SCHIP1: variants seen among roughly 807,000 people sequenced by gnomAD.
SCHIP1 encodes the protein schwannomin interacting protein 1, also known as schwannomin-interacting protein 1.
In SCHIP1, 8 loss-of-function variants were observed where a neutral mutation model predicts 29.7. The observed-to-expected ratio is 0.27, with a 90% CI of 0.16 to 0.49. SCHIP1 has a LOEUF of 0.49. SCHIP1 is among the 20% of genes least tolerant of loss of function. SCHIP1 has a pLI of 0.99. For synonymous variants in SCHIP1, 76 were observed against 94.9 expected (o/e 0.80, Z 1.16); for missense variants, 193 against 294.6 (o/e 0.66, Z 2.52).
chr3:159,816,873 C>CTCAGTTAAT, the SCHIP1 span, among the ~76,000 whole-genome samples: 8 of 152,168 alleles, frequency 5.3e-5, no homozygotes, highest in African/African-American at 1.2e-4. Context: ...CTCTTTCTTG[C>CTCAGTTAAT]TCAGTTAATT....
chr3:159,360,152 G>A, the SCHIP1 span, among the ~76,000 whole-genome samples: 236 of 152,280 alleles, frequency 1.5e-3, no homozygotes, highest in Non-Finnish European at 2.6e-3. Flanking sequence ...ACATCATAAG[G>A]AGCCCAGGGA....
chr3:159,731,460 G>C, the SCHIP1 span, among the ~76,000 whole-genome samples: 3 of 152,196 alleles, frequency 2.0e-5, no homozygotes, highest in Non-Finnish European at 4.4e-5. Context: ...AGGAGTAGAC[G>C]AGGCCGGTAG....
the SCHIP1 span, among the ~76,000 whole-genome samples, chr3:159,582,779 T>TACACAC: frequency 8.2e-4 from 81 of 98,430 alleles, no homozygotes; most frequent in African/African-American, 2.4e-3. Context: ...GCAACTGAAA[T>TACACAC]ATATATATAC....
the SCHIP1 span, among the ~76,000 whole-genome samples, chr3:159,786,504 A>C: frequency 3.3e-5 from 5 of 152,252 alleles, no homozygotes; most frequent in African/African-American, 1.2e-4. Context: ...TGTCTGTTCA[A>C]AAACATTAAT....
At chr3:159,396,851 A>T in the SCHIP1 span, among the ~76,000 whole-genome samples, 1 of 151,580 alleles carries the variant, frequency 6.6e-6, no homozygotes, top group African/African-American at 2.4e-5. Flanking sequence ...GTATTTCCTG[A>T]ATCTGAACGT....
At chr3:159,649,020 A>G in the SCHIP1 span, among the ~76,000 whole-genome samples, 3 of 152,190 alleles carry the variant, frequency 2.0e-5, no homozygotes, top group Non-Finnish European at 4.4e-5. Flanking sequence ...GATACACAGA[A>G]TGGGACTTGG....
the SCHIP1 span, among the ~76,000 whole-genome samples, chr3:159,337,101 G>T: frequency 6.6e-6 from 1 of 152,100 alleles, no homozygotes; most frequent in Admixed American, 6.6e-5. Context: ...AGAAAACCAT[G>T]ATTATCTCAA....
the SCHIP1 span, among the ~76,000 whole-genome samples, chr3:159,334,252 C>T: frequency 9.2e-5 from 14 of 152,170 alleles, no homozygotes; most frequent in African/African-American, 3.4e-4. Context: ...ACTGTCTGAC[C>T]AGTTGATTTT....
chr3:159,459,306 G>A, the SCHIP1 span, among the ~76,000 whole-genome samples: 2 of 152,082 alleles, frequency 1.3e-5, no homozygotes, highest in South Asian at 2.1e-4. Context: ...CCATTTTAAG[G>A]TTATGGCCCA....
At chr3:159,547,784 C>G in the SCHIP1 span, among the ~76,000 whole-genome samples, 1 of 152,136 alleles carries the variant, frequency 6.6e-6, no homozygotes, top group East Asian at 1.9e-4. Context: ...TGTTTTGGTA[C>G]AAGTACTATG....
At chr3:159,362,826 C>T in the SCHIP1 span, among the ~76,000 whole-genome samples, 1 of 152,158 alleles carries the variant, frequency 6.6e-6, no homozygotes, top group African/African-American at 2.4e-5. Flanking sequence ...CACAGGTGGC[C>T]CCTGAAGACT....
the SCHIP1 span, chr3:159,282,838 T>C: frequency 1.1e-4 from 16 of 152,280 alleles, no homozygotes; most frequent in Non-Finnish European, 1.8e-4. Flanking sequence ...TATATTTTAC[T>C]GTCTTAAATA....
At chr3:159,299,266 T>G in the SCHIP1 span, among the ~76,000 whole-genome samples, 1 of 152,180 alleles carries the variant, frequency 6.6e-6, no homozygotes, top group Admixed American at 6.5e-5. Flanking sequence ...ATGCACCCCT[T>G]ATGTTTCAGT....
the SCHIP1 span, among the ~76,000 whole-genome samples, chr3:159,620,947 G>A: frequency 6.6e-6 from 1 of 152,206 alleles, no homozygotes; most frequent in Non-Finnish European, 1.5e-5. Flanking sequence ...GTAGCTCTAA[G>A]TTTGTATTTT....
At chr3:159,685,619 T>TGTAAAA in the SCHIP1 span, among the ~76,000 whole-genome samples, 3 of 152,230 alleles carry the variant, frequency 2.0e-5, no homozygotes, top group African/African-American at 7.2e-5. Flanking sequence ...CAACAATTTA[T>TGTAAAA]TTTACTTGCA....
At chr3:159,384,093 C>G in the SCHIP1 span, among the ~76,000 whole-genome samples, 4 of 151,332 alleles carry the variant, frequency 2.6e-5, no homozygotes, top group Admixed American at 6.6e-5. Context: ...AATTGAATAC[C>G]CTTTATTTCC....
the SCHIP1 span, among the ~76,000 whole-genome samples, chr3:159,674,077 T>C: frequency 6.6e-6 from 1 of 152,206 alleles, no homozygotes; most frequent in African/African-American, 2.4e-5. Context: ...TCCTTTGTTC[T>C]TCAAAGTTAT....
At chr3:159,380,129 A>G in the SCHIP1 span, among the ~76,000 whole-genome samples, 1 of 152,210 alleles carries the variant, frequency 6.6e-6, no homozygotes, top group Non-Finnish European at 1.5e-5. Flanking sequence ...AGTTGCCTTG[A>G]GTGTCCAAAA....
chr3:159,281,237 G>A, the SCHIP1 span, among the ~76,000 whole-genome samples: 1 of 152,148 alleles, frequency 6.6e-6, no homozygotes, highest in African/African-American at 2.4e-5. Flanking sequence ...TTGGGATTTT[G>A]GAAGGAAGAG....
Sources: allele counts gnomAD v4.1 joint callset (sites outside exome capture counted in the v4.1 genomes callset), GRCh38; gene constraint gnomAD v4.1.1; transcripts MANE v1.5; gene names NCBI Gene and HGNC (gene_info 2026-07-23, HGNC 2026-07-21).